Variants in GMDS observed in about 807,000 individuals in gnomAD.
GMDS encodes the protein GDP-mannose 4,6 dehydratase.
GMDS carries 20 observed loss-of-function variants against 49.9 expected under a neutral mutation model. The ratio of observed to expected loss-of-function variants is 0.40; its 90% CI spans 0.28 to 0.58. GMDS has a LOEUF of 0.58. GMDS is among the 20% of genes least tolerant of loss of function. The pLI, the probability that GMDS is intolerant of heterozygous loss-of-function variation, is 0.42. For synonymous variants in GMDS, 177 were observed against 178.6 expected, an observed-to-expected ratio of 0.99 and a Z score of 0.07; for missense variants, 362 against 481.4, an observed-to-expected ratio of 0.75 and a Z score of 2.32.
chr6:2,240,617 A>AG (rs1373712923), intron 1 of GMDS, among the ~76,000 whole-genome samples: 2 of 151,240 alleles, frequency 1.3e-5, no homozygotes, highest in African/African-American at 4.8e-5. Context: ...AAAAAAAAAA[A>AG]AAAGAAAAGA....
intron 7 of GMDS, among the ~76,000 whole-genome samples, chr6:1,749,649 T>C (rs112280568): frequency 0.011 from 1,730 of 152,240 alleles, 17 homozygotes; most frequent in Non-Finnish European, 0.017. Flanking sequence ...CAACACCTTC[T>C]TGCCACTGTG....
At chr6:1,959,382 T>C (rs1173826892) in intron 6 of GMDS, among the ~76,000 whole-genome samples, 1 of 152,204 alleles carries the variant, frequency 6.6e-6, no homozygotes, top group Non-Finnish European at 1.5e-5. Context: ...ATTTCAACTT[T>C]ATTTTAAAAT....
intron 1 of GMDS, among the ~76,000 whole-genome samples, chr6:2,198,993 T>C (rs1335183400): frequency 1.3e-5 from 2 of 152,236 alleles, no homozygotes; most frequent in African/African-American, 4.8e-5. Flanking sequence ...TTGCCATTGC[T>C]AACCTAAAGA....
chr6:2,094,532 A>G (rs1189030460), intron 4 of GMDS, among the ~76,000 whole-genome samples: 1 of 152,092 alleles, frequency 6.6e-6, no homozygotes, highest in Non-Finnish European at 1.5e-5. Flanking sequence ...CGTGTTCAGT[A>G]CCACATTCTA....
intron 7 of GMDS, among the ~76,000 whole-genome samples, chr6:1,891,073 T>C (rs1759845893): frequency 6.6e-6 from 1 of 152,224 alleles, no homozygotes; most frequent in Non-Finnish European, 1.5e-5. Context: ...CAACTCCTGA[T>C]TTTTACTGGT....
chr6:1,676,094 C>T (rs544491584), intron 9 of GMDS, among the ~76,000 whole-genome samples: 4 of 152,264 alleles, frequency 2.6e-5, no homozygotes, highest in Admixed American at 2.6e-4. Context: ...TCTCAGGATA[C>T]AAAATCAATG....
chr6:1,896,082 G>A lies in GMDS; in HGVS notation c.771+34021C>T, dbSNP rs1422405193. ...CAATAAAGGCACAAGCAGATTGGGG[G>A]AGCAGAGAGCTTGGCTTGAGGATGA... On this transcript the variant is annotated intron_variant, in intron 7 of 10. Coordinates refer to ENST00000380815, the MANE Select transcript of GMDS (RefSeq NM_001500.4). 2.6e-5 allele frequency among the ~76,000 whole-genome samples: 4 copies of A among 152,244 alleles called. No homozygotes were observed. In the South Asian group the frequency reaches 6.2e-4, roughly 24 times the overall value.
chr6:2,191,654 A>G lies in GMDS; in HGVS notation c.102+53667T>C, dbSNP rs1030110922. 6.6e-6 allele frequency among the ~76,000 whole-genome samples: 1 copy of G among 152,188 alleles called. No homozygotes were observed. Among genetic ancestry groups the G allele is most frequent in the African/African-American group, 2.4e-5 (1 of 41,462 alleles). ...GGGAGCTGTCACAGCCCAGCCAGGT[A>G]TGTGAGGGTCCTGCCACCTCAGCTC... On this transcript the variant is annotated intron_variant, in intron 1 of 10. Coordinates refer to ENST00000380815, the MANE Select transcript of GMDS (RefSeq NM_001500.4). This position sits in a 1 kb window ranked among gnomAD's most constrained non-coding sequence, Gnocchi z 4.6.
At chr6:2,176,443 G>A (rs143370907) in intron 1 of GMDS, among the ~76,000 whole-genome samples, 16 of 152,194 alleles carry the variant, frequency 1.1e-4, no homozygotes, top group African/African-American at 2.9e-4. Context: ...TCATGAAGTC[G>A]AGCAAAGATT....
chr6:2,116,003 T>C (rs1004199410), intron 3 of GMDS, 123 bp from the exon 4 acceptor site: 14 of 646,760 alleles, frequency 2.2e-5, no homozygotes, highest in Non-Finnish European at 3.9e-5. Context: ...GGAAATGCTG[T>C]ACTGATGGTT....
At chr6:1,723,162 T>C (rs140265852) in intron 9 of GMDS, among the ~76,000 whole-genome samples, 668 of 152,262 alleles carry the variant, frequency 4.4e-3, no homozygotes, top group Admixed American at 9.2e-3. Flanking sequence ...GTGGCCTCTT[T>C]CAAGCTAGTA....
intron 7 of GMDS, among the ~76,000 whole-genome samples, chr6:1,927,723 G>A (rs775284542): frequency 5.9e-5 from 9 of 152,152 alleles, no homozygotes; most frequent in Admixed American, 1.3e-4. Flanking sequence ...TGACAGCAGC[G>A]TCCTTCTTTC....
intron 1 of GMDS, among the ~76,000 whole-genome samples, chr6:2,244,732 G>A (rs140929473): frequency 2.0e-5 from 3 of 152,336 alleles, no homozygotes; most frequent in East Asian, 1.9e-4. Context: ...TCAGAAGTTG[G>A]CGTGATTTTA....
intron 9 of GMDS, among the ~76,000 whole-genome samples, chr6:1,628,209 C>A (rs1267397927): frequency 6.6e-6 from 1 of 152,228 alleles, no homozygotes; most frequent in African/African-American, 2.4e-5. Context: ...CTGGAAAAGT[C>A]ATTAAGCCTG....
intron 9 of GMDS, among the ~76,000 whole-genome samples, chr6:1,642,767 T>C (rs930583292): frequency 3.3e-5 from 5 of 152,186 alleles, no homozygotes; most frequent in Non-Finnish European, 5.9e-5. Context: ...GCTGGTCCCA[T>C]GTGGGCGACA....
At chr6:2,010,523 G>A (rs1396000333) in intron 4 of GMDS, among the ~76,000 whole-genome samples, 3 of 152,078 alleles carry the variant, frequency 2.0e-5, no homozygotes, top group African/African-American at 7.2e-5. Context: ...AGTGCTAAAA[G>A]TCACTAGCAT....
rs150102900 is a variant in GMDS at position 1,710,008 on chromosome 6, A to T, written c.987+16408T>A. Among the ~76,000 whole-genome samples, 675 of 152,362 alleles carry T rather than the reference A, an allele frequency of 4.4e-3. 3 individuals are homozygous for T. The highest frequency in any genetic ancestry group is 4.5e-3 in the Non-Finnish European group (306 of 68,040). On this transcript the variant is annotated intron_variant, in intron 9 of 10. Coordinates refer to ENST00000380815, the MANE Select transcript of GMDS (RefSeq NM_001500.4). ...AAAAATCACACATATATATAAACCG[A>T]TAACATAAAACCCCAAACCATACAA...
intron 9 of GMDS, among the ~76,000 whole-genome samples, chr6:1,659,281 A>G (rs1763990474): frequency 6.6e-6 from 1 of 151,558 alleles, no homozygotes; most frequent in Non-Finnish European, 1.5e-5. Context: ...CAACTGCACG[A>G]TTCAGTGGCC....
chr6:2,189,923 A>G (rs1778939804), intron 1 of GMDS, among the ~76,000 whole-genome samples: 3 of 14,236 alleles, frequency 2.1e-4, no homozygotes, highest in Non-Finnish European at 3.5e-4. Flanking sequence ...GTGTAGTAAG[A>G]GCGTTTCTGT....
Sources: allele counts gnomAD v4.1 joint callset (sites outside exome capture counted in the v4.1 genomes callset), GRCh38; gene constraint gnomAD v4.1.1; non-coding constraint Gnocchi (gnomAD v3.1); transcripts MANE v1.5; gene names NCBI Gene and HGNC (gene_info 2026-07-23, HGNC 2026-07-21).